AGL: variants seen among roughly 807,000 people sequenced by gnomAD.
The protein encoded by AGL is glycogen debranching enzyme.
A neutral mutation model predicts 199.3 loss-of-function variants in AGL; 128 were observed. That is an observed-to-expected ratio of 0.64 (90% CI 0.56 to 0.74). AGL has a LOEUF of 0.74. AGL is among the 30% of genes least tolerant of loss of function. The pLI, the probability that AGL is intolerant of heterozygous loss-of-function variation, is 0.00. For missense variants in AGL, 1,809 were observed against 1,820.8 expected (o/e 0.99, Z 0.12); for synonymous variants, 584 against 594.7 (o/e 0.98, Z 0.26).
At chr1:99,914,001 G>T (rs192195625) in intron 30 of AGL, among the ~76,000 whole-genome samples, 68 of 152,150 alleles carry the variant, frequency 4.5e-4, no homozygotes, top group Admixed American at 4.1e-3. Flanking sequence ...AGCACACATA[G>T]AAGATGTTAT....
chr1:99,861,263 G>T, intron 2 of AGL: 1 of 1,363,982 alleles, frequency 7.3e-7, no homozygotes, highest in Non-Finnish European at 9.4e-7. Flanking sequence ...TGCGTTTCCA[G>T]GGGAAGGAGA....
chr1:99,851,414 A>G (rs906243878), intron 2 of AGL, among the ~76,000 whole-genome samples: 9 of 152,348 alleles, frequency 5.9e-5, no homozygotes, highest in African/African-American at 2.2e-4. Context: ...AAGATTGCCC[A>G]TATTATTTCT....
At position 99,915,517 on chromosome 1, in the gene AGL, A is replaced by T. The variant is rs201474931; in HGVS notation, c.4259+31A>T. ...TTGGAATATAAGTATTAAGAATGTT[A>T]TCATATTTAATCCAAATACATTGAC... On this transcript the variant is annotated intron_variant, in intron 31 of 33. Coordinates refer to ENST00000361915, the MANE Select transcript of AGL (RefSeq NM_000642.3). 142 of 1,536,488 alleles carry T rather than the reference A, an allele frequency of 9.2e-5. No individual in the cohort carries two copies. In the East Asian group the frequency reaches 2.9e-3, roughly 31 times the overall value.
At position 99,889,236 on chromosome 1, in the gene AGL, T is replaced by C. The variant is rs140999811; in HGVS notation, c.2812+1128T>C. Among the ~76,000 whole-genome samples, 1,184 of 152,332 alleles carry C rather than the reference T, an allele frequency of 7.8e-3. 6 individuals are homozygous for C. Among genetic ancestry groups the C allele is most frequent in the South Asian group, 0.015 (73 of 4,832 alleles). On this transcript the variant is annotated intron_variant, in intron 21 of 33. Coordinates refer to ENST00000361915, the MANE Select transcript of AGL (RefSeq NM_000642.3). ...ACCACACTAAGTAGGCTGCACACTT[T>C]CAGAAAGAAGAATTAAGTTTTATCT...
intron 1 of AGL, chr1:99,850,677 C>G (rs1648878100): frequency 7.6e-6 from 2 of 263,418 alleles, no homozygotes; most frequent in Admixed American, 5.1e-5. Context: ...TGGGAATGTC[C>G]CCCTGACTTC....
At chr1:99,903,041 C>T (rs2100825933) in intron 27 of AGL, among the ~76,000 whole-genome samples, 1 of 152,260 alleles carries the variant, frequency 6.6e-6, no homozygotes, top group East Asian at 1.9e-4. Context: ...CCATGAACTG[C>T]ATGCTTACTA....
intron 26 of AGL, among the ~76,000 whole-genome samples, chr1:99,901,214 G>C (rs1653811092): frequency 6.6e-6 from 1 of 151,842 alleles, no homozygotes; most frequent in Non-Finnish European, 1.5e-5. Flanking sequence ...AGGTGAGTAG[G>C]ACTTTCGGAG....
In AGL at chr1:99,913,471, A is replaced by G. The variant is rs1412010811; in HGVS notation, c.3950-56A>G. 25 of 1,330,412 alleles carry G rather than the reference A, an allele frequency of 1.9e-5. 1 individual carries two copies. The South Asian group carries it at 2.8e-4, about 15-fold the overall frequency. 82.4% of individuals were successfully genotyped at this position (1,330,412 alleles called of 1,614,324 possible). A position where few individuals can be genotyped will look rare whatever the true frequency, so the allele number is the denominator to read the frequency against. On this transcript the variant is annotated intron_variant, in intron 29 of 33. Coordinates refer to ENST00000361915, the MANE Select transcript of AGL (RefSeq NM_000642.3). ...TAAATATTACTATTTGTCTGTAACTAGATGTGTGAATTGTTTTGAATGATT... is the reference window on the plus strand; with the variant it reads ...TAAATATTACTATTTGTCTGTAACTGGATGTGTGAATTGTTTTGAATGATT...
Position 99,888,063 on chromosome 1 carries a change from T to G in AGL, c.2767T>G (p.Tyr923Asp). The change falls in exon 21 of 34, where the codon TAT becomes GAT. Residue 923 changes from tyrosine (Y) to aspartate (D), a missense_variant. By Grantham distance (160) the Tyr-to-Asp change is radical. Transcript: ENST00000361915. ...AGAAAAGGAAGATGGTGGAGGGTGC[T>G]ATGACATACCAAACTGGTCAGCCCT... ...SEEKEDGGGC[Y>D]DIPNWSALKY... 3 of 1,613,576 alleles carry G rather than the reference T, an allele frequency of 1.9e-6. No homozygotes were observed. Among genetic ancestry groups the G allele is most frequent in the Non-Finnish European group, 2.5e-6 (3 of 1,179,672 alleles).
chr1:99,860,236 G>A (rs1346162647), intron 2 of AGL, among the ~76,000 whole-genome samples: 1 of 151,626 alleles, frequency 6.6e-6, no homozygotes. Context: ...TACTTTGTTG[G>A]ATGTTTAATA....
chr1:99,902,617 G>C (rs1019269573), intron 26 of AGL, 66 bp from the exon 27 acceptor site: 1 of 1,265,210 alleles, frequency 7.9e-7, no homozygotes, highest in South Asian at 1.2e-5. Flanking sequence ...TTCAGTTGTC[G>C]GATTTGGGGG....
At chr1:99,867,586 C>T (rs1019063454) in intron 5 of AGL, among the ~76,000 whole-genome samples, 10 of 149,520 alleles carry the variant, frequency 6.7e-5, no homozygotes, top group Non-Finnish European at 1.3e-4. Context: ...GACGGAGTCT[C>T]CTTCTGTCGC....
intron 11 of AGL, 92 bp from the exon 12 acceptor site, chr1:99,877,549 T>C: frequency 8.6e-7 from 1 of 1,164,336 alleles, no homozygotes; most frequent in Non-Finnish European, 1.3e-6. Context: ...ATGGCAGAAA[T>C]GATCAAAGCA....
At chr1:99,850,645 C>A in intron 1 of AGL, 1 of 244,836 alleles carries the variant, frequency 4.1e-6, no homozygotes, top group Non-Finnish European at 8.0e-6. Flanking sequence ...TTCGGAGTCT[C>A]CAGAGCCCTG....
At chr1:99,897,103 C>T (rs899258848) in intron 25 of AGL, among the ~76,000 whole-genome samples, 2 of 152,202 alleles carry the variant, frequency 1.3e-5, no homozygotes, top group Non-Finnish European at 2.9e-5. Context: ...GCGTGAGCCA[C>T]CGTGCCCGGC....
intron 27 of AGL, among the ~76,000 whole-genome samples, chr1:99,905,681 C>A (rs1228270475): frequency 6.6e-6 from 1 of 152,140 alleles, no homozygotes; most frequent in African/African-American, 2.4e-5. Flanking sequence ...TTAAGCAGTC[C>A]TCCTGCCTCA....
chr1:99,912,503 C>T lies in AGL; in HGVS notation c.3935C>T (p.Thr1312Ile). 2 of 1,610,866 alleles carry T rather than the reference C, an allele frequency of 1.2e-6. No homozygotes were observed. The highest frequency in any genetic ancestry group is 1.7e-6 in the Non-Finnish European group (2 of 1,177,284). ...KKNIFPYHEV[T>I]VKRHGKAIKV... ...AATATTTTCCCTTATCATGAAGTCA[C>T]AGTAAAAAGACATGGTAAGCTGGTT... The change falls in exon 29 of 34, where the codon ACA becomes ATA. Residue 1312 changes from threonine to isoleucine, a missense_variant. By Grantham distance (89) the Thr-to-Ile change is moderately conservative. Transcript: ENST00000361915.
intron 9 of AGL, 37 bp downstream of exon 9, chr1:99,875,293 TC>T: frequency 2.5e-6 from 4 of 1,612,090 alleles, no homozygotes; most frequent in Non-Finnish European, 1.7e-6. Flanking sequence ...TTTCCTTGCA[TC>T]TTACTACTAT....
At position 99,861,587 on chromosome 1, in the gene AGL, CAT is replaced by C. The variant is rs1201531708; in HGVS notation, c.168_169del (p.Phe57Ter). 1 of 1,613,818 alleles carries C rather than the reference CAT, an allele frequency of 6.2e-7. No homozygotes were observed. The highest frequency in any genetic ancestry group is 1.3e-5 in the African/African-American group (1 of 74,914). The stretch of plus-strand genomic sequence containing the variant: ...ACAAATTACCCATTTCCTGGAGAAA[CAT>C]TTAATAGAGAAAAATTCCGTTCTCT... On this transcript the variant is annotated frameshift_variant, in exon 3 of 34. Coordinates refer to ENST00000361915, the MANE Select transcript of AGL (RefSeq NM_000642.3). LOFTEE classifies it high-confidence loss of function.
Sources: gnomAD v4.1 joint callset for allele counts (sites outside exome capture counted in the v4.1 genomes callset) on GRCh38, gnomAD v4.1.1 for gene constraint, MANE v1.5 for transcripts, NCBI Gene and HGNC (gene_info 2026-07-23, HGNC 2026-07-21) for gene names.